The following ZBTB41 variants were observed in gnomAD, a reference collection of about 807,000 sequenced individuals.
ZBTB41 encodes zinc finger and BTB domain containing 41, also known as zinc finger and BTB domain-containing protein 41.
ZBTB41 carries 42 observed loss-of-function variants against 87.6 expected under a neutral mutation model. That is an observed-to-expected ratio of 0.48 (90% CI 0.37 to 0.62). The LOEUF (loss-of-function observed/expected upper bound fraction) is 0.62, where lower values mean the gene tolerates loss of function less well. ZBTB41 is among the 20% of genes least tolerant of loss of function. ZBTB41 has a pLI of 0.00. For missense variants in ZBTB41, 799 were observed against 1,078.9 expected, an observed-to-expected ratio of 0.74 and a Z score of 3.63; for synonymous variants, 364 against 364.0, an observed-to-expected ratio of 1.00 and a Z score of 0.00.
At chr1:197,184,301 C>A (rs868452658) in intron 5 of ZBTB41, among the ~76,000 whole-genome samples, 11 of 152,138 alleles carry the variant, frequency 7.2e-5, no homozygotes, top group African/African-American at 2.4e-4. Flanking sequence ...GATTAAGCTT[C>A]AGGTAAATAA....
intron 5 of ZBTB41, among the ~76,000 whole-genome samples, chr1:197,186,283 A>C (rs1659879581): frequency 1.3e-5 from 2 of 152,036 alleles, no homozygotes; most frequent in African/African-American, 4.8e-5. Context: ...ACAGACAAAA[A>C]AAAAAAAAAT....
chr1:197,171,893 A>T (rs1659488016), intron 10 of ZBTB41, among the ~76,000 whole-genome samples: 1 of 151,946 alleles, frequency 6.6e-6, no homozygotes, highest in South Asian at 2.1e-4. Context: ...TACAACTAAA[A>T]GTTGAGTAAA....
chr1:197,180,960 T>C lies in ZBTB41; in HGVS notation c.1676+28A>G, dbSNP rs575713822. Reference sequence around the variant, plus strand: ...TATTTCTACATAATAGTACTAGGATTTTTGTGGGTGTGCAGATAATTCTTC... The same window carrying C: ...TATTTCTACATAATAGTACTAGGATCTTTGTGGGTGTGCAGATAATTCTTC... On this transcript the variant is annotated intron_variant, in intron 6 of 10. Coordinates refer to ENST00000367405, the MANE Select transcript of ZBTB41 (RefSeq NM_194314.3). The C allele has an allele frequency of 8.2e-6, 13 of 1,577,838 alleles. No homozygotes were observed. In the East Asian group the frequency reaches 2.5e-4, roughly 30 times the overall value.
intron 6 of ZBTB41, 91 bp from the exon 7 acceptor site, chr1:197,178,603 A>C: frequency 3.7e-6 from 3 of 801,112 alleles, no homozygotes; most frequent in Non-Finnish European, 5.5e-6. Flanking sequence ...TATTCAAGCT[A>C]ACTGATATTA....
In ZBTB41 at chr1:197,172,197, G is replaced by A. The variant is rs1230866376; in HGVS notation, c.2037C>T (p.Gly679=). 1.4e-6 allele frequency: 2 copies of A among 1,435,940 alleles called. No homozygotes were observed. The highest frequency in any genetic ancestry group is 2.6e-5 in the East Asian group (1 of 38,350). The allele number at this position is 1,435,940 out of a possible 1,614,324, so 88.9% of individuals were successfully genotyped here. A position where few individuals can be genotyped will look rare whatever the true frequency, so the allele number is the denominator to read the frequency against. The stretch of plus-strand genomic sequence containing the variant: ...GAAAATGCATTTCCAGACTTGATTT[G>A]CCTTTAAAAATTTTCTTACAAACAT... ...QCDVCKKIFK[G]KSSLEMHFRT... The change falls in exon 10 of 11, where the codon GGC becomes GGT. Residue 679 remains glycine (G), a synonymous_variant. Transcript: ENST00000367405.
chr1:197,197,941 T>C (rs1026993107), intron 2 of ZBTB41, among the ~76,000 whole-genome samples: 1 of 152,152 alleles, frequency 6.6e-6, no homozygotes, highest in Non-Finnish European at 1.5e-5. Flanking sequence ...TGTGAACTCA[T>C]CCCTATTCAC....
intron 10 of ZBTB41, among the ~76,000 whole-genome samples, chr1:197,169,044 G>A (rs759038341): frequency 8.6e-5 from 13 of 151,860 alleles, no homozygotes; most frequent in Non-Finnish European, 1.9e-4. Context: ...ATAGTGCTAC[G>A]TATCTATCAA....
intron 5 of ZBTB41, among the ~76,000 whole-genome samples, chr1:197,187,213 G>A (rs1659907266): frequency 6.6e-5 from 10 of 152,178 alleles, no homozygotes. Flanking sequence ...TTAACCAAAG[G>A]AATTGAAAAT....
chr1:197,200,096 GACA>G lies in ZBTB41; in HGVS notation c.375_377del (p.Val126del). The G allele has an allele frequency of 1.2e-6, 2 of 1,613,736 alleles. No homozygotes were observed. Among genetic ancestry groups the G allele is most frequent in the Non-Finnish European group, 1.7e-6 (2 of 1,179,958 alleles). On this transcript the variant is annotated inframe_deletion, in exon 2 of 11. Transcript: ENST00000367405. ...CTGAATGTGTTACGTGATCCAGGGTGACAACATCAGTGCTTGGATTTTTGCTCA... is the reference window on the plus strand; with the variant it reads ...CTGAATGTGTTACGTGATCCAGGGTGACATCAGTGCTTGGATTTTTGCTCA...
At chr1:197,186,419 C>T (rs1238103708) in intron 5 of ZBTB41, among the ~76,000 whole-genome samples, 1 of 152,142 alleles carries the variant, frequency 6.6e-6, no homozygotes, top group East Asian at 1.9e-4. Context: ...ATAAATTGGA[C>T]TTAATTAAAA....
rs1447152715 is a variant in ZBTB41, at chr1:197,181,129, A to C, written c.1547-12T>G. 1 of 1,561,602 alleles carries C rather than the reference A, an allele frequency of 6.4e-7. No individual in the cohort carries two copies. The highest frequency in any genetic ancestry group is 2.2e-5 in the Admixed American group (1 of 45,012). On this transcript the variant is annotated splice_polypyrimidine_tract_variant and intron_variant, in intron 5 of 10. Transcript: ENST00000367405. ...ACATGGAAAAGGACCTAAAAAGGAA[A>C]AAAAAAAAGTGTGCATTTAAAGTTT...
rs115846779 is a variant in ZBTB41, at chr1:197,159,462, T to A, written c.2627A>T (p.Glu876Val). The A allele has an allele frequency of 1.3e-3, 2,165 of 1,613,960 alleles. 13 individuals are homozygous for A. In the African/African-American group the frequency reaches 0.022, roughly 16 times the overall value. ...PANIVHPVRP[E>V]QMLDPREQSY... ...TTGTTCTCTAGGATCTAGCATTTGTTCAGGTCGAACTGGGTGAACTATATT... is the reference window on the plus strand; with the variant it reads ...TTGTTCTCTAGGATCTAGCATTTGTACAGGTCGAACTGGGTGAACTATATT... Residue 876 changes from glutamate (E) to valine (V), a missense_variant, in exon 11 of 11, where the codon GAA becomes GTA. Coordinates refer to ENST00000367405, the MANE Select transcript of ZBTB41 (RefSeq NM_194314.3).
rs1409915513 is a variant in ZBTB41, at chr1:197,172,145, CTCAT to C, written c.2074+11_2074+14del. ...TCTATATATATATATCTATGAACCA[CTCAT>C]TAAATTTTACCTGAATGCGTTCGAA... On this transcript the variant is annotated intron_variant, in intron 10 of 10. Coordinates refer to ENST00000367405, the MANE Select transcript of ZBTB41 (RefSeq NM_194314.3). 8.1e-7 allele frequency: 1 copy of C among 1,238,376 alleles called. No homozygotes were observed. 76.7% of individuals were successfully genotyped at this position (1,238,376 alleles called of 1,614,324 possible).
In ZBTB41 at chr1:197,199,914, G is replaced by C; in HGVS notation, c.560C>G (p.Thr187Ser). 1.2e-6 allele frequency: 2 copies of C among 1,612,270 alleles called. No individual in the cohort carries two copies. Among genetic ancestry groups the C allele is most frequent in the Non-Finnish European group, 1.7e-6 (2 of 1,179,068 alleles). Residue 187 changes from threonine to serine, a missense_variant, in exon 2 of 11, where the codon ACT (threonine) becomes AGT (serine). Coordinates refer to ENST00000367405, the MANE Select transcript of ZBTB41 (RefSeq NM_194314.3). ...TGTTTCTTCTGGTGATGACTTTTCA[G>C]TTAGCTCTGAATGAAAAGGGGCAAC... ...ENVAPFHSELTEKSSPEETLN... is the reference protein window; with the variant it reads ...ENVAPFHSELSEKSSPEETLN...
At position 197,156,596 on chromosome 1, in the gene ZBTB41, T is replaced by C. The variant is rs1659074510; in HGVS notation, c.*2763A>G. 1 of 152,252 alleles carries C rather than the reference T, an allele frequency of 6.6e-6. No homozygotes were observed. Among genetic ancestry groups the C allele is most frequent in the African/African-American group, 2.4e-5 (1 of 41,430 alleles). The allele number at this position is 152,252 out of a possible 1,614,324, so 9.4% of individuals were successfully genotyped here. On this transcript the variant is annotated 3_prime_UTR_variant, in exon 11 of 11. Coordinates refer to ENST00000367405, the MANE Select transcript of ZBTB41 (RefSeq NM_194314.3). ...ATTACAAAAGGTCAACTGAAAAGAATAGGCCTCCTTTTATACTTTTTGTGC... is the reference window on the plus strand; with the variant it reads ...ATTACAAAAGGTCAACTGAAAAGAACAGGCCTCCTTTTATACTTTTTGTGC...
intron 5 of ZBTB41, 31 bp downstream of exon 5, chr1:197,188,261 T>C: frequency 6.2e-7 from 1 of 1,609,392 alleles, no homozygotes. Context: ...AAAATTGTCA[T>C]GACTGCCTTA....
At chr1:197,183,561 T>G (rs561752124) in intron 5 of ZBTB41, among the ~76,000 whole-genome samples, 51 of 152,330 alleles carry the variant, frequency 3.3e-4, no homozygotes, top group Admixed American at 1.8e-3. Context: ...TGTAAAATAT[T>G]TGTGGGTGTA....
chr1:197,160,076 CTT>C (rs1659162501), intron 10 of ZBTB41, 62 bp from the exon 11 acceptor site: 1 of 1,310,590 alleles, frequency 7.6e-7, no homozygotes, highest in African/African-American at 1.5e-5. Flanking sequence ...AAGACAATGA[CTT>C]CAAGTAGCAA....
At chr1:197,196,213 ATG>A (rs1487897581) in intron 2 of ZBTB41, among the ~76,000 whole-genome samples, 7 of 152,214 alleles carry the variant, frequency 4.6e-5, no homozygotes, top group African/African-American at 1.7e-4. Context: ...TACGAAAGGA[ATG>A]TGGATGATAT....
Sources: allele counts gnomAD v4.1 joint callset (sites outside exome capture counted in the v4.1 genomes callset), GRCh38; gene constraint gnomAD v4.1.1; transcripts MANE v1.5; gene names NCBI Gene and HGNC (gene_info 2026-07-23, HGNC 2026-07-21).